The following HAND2 variants were observed in gnomAD, a reference collection of about 807,000 sequenced individuals.
HAND2 encodes heart and neural crest derivatives expressed 2, also known as heart- and neural crest derivatives-expressed protein 2.
In HAND2, 2 loss-of-function variants were observed where a neutral mutation model predicts 14.7. That is an observed-to-expected ratio of 0.14 (90% CI 0.06 to 0.43). The LOEUF (loss-of-function observed/expected upper bound fraction) is 0.43. Ranked by LOEUF, HAND2 falls within the 20% of genes least tolerant of loss-of-function variation. The probability of loss-of-function intolerance (pLI) is 0.99; values close to 1 mark genes in which losing one functional copy is unlikely to be tolerated. For missense variants in HAND2, 275 were observed against 313.6 expected, an observed-to-expected ratio of 0.88 and a Z score of 0.93; for synonymous variants, 162 against 135.9, an observed-to-expected ratio of 1.19 and a Z score of -1.34.
In HAND2 at chr4:173,528,690, C is replaced by T. The variant is rs1731586733; in HGVS notation, c.555+45G>A. The stretch of plus-strand genomic sequence containing the variant: ...TGGAAAGAGGCCGGGAGCACCAGTT[C>T]CCTGACCCCCTCAGCCCCACCGCCT... On this transcript the variant is annotated intron_variant, in intron 1 of 1. Coordinates refer to ENST00000359562, the MANE Select transcript of HAND2 (RefSeq NM_021973.3). The surrounding 1 kb of genome is among the most constrained non-coding windows in gnomAD (Gnocchi z 5.6). 1 of 1,583,254 alleles carries T rather than the reference C, an allele frequency of 6.3e-7. No homozygotes were observed. The highest frequency in any genetic ancestry group is 2.3e-5 in the East Asian group (1 of 43,230).
rs1193729175 is a variant in HAND2 at position 173,526,314 on chromosome 4, T to TAG, written c.*961_*962dup. 11 of 152,614 alleles carry TAG rather than the reference T, an allele frequency of 7.2e-5. No homozygotes were observed. The highest frequency in any genetic ancestry group is 2.2e-4 in the African/African-American group (9 of 41,572). 9.5% of individuals were successfully genotyped at this position (152,614 alleles called of 1,614,324 possible). A position where few individuals can be genotyped will look rare whatever the true frequency, so the allele number is the denominator to read the frequency against. ...GGTTCTCCAGCCCAGATCTTCCTTC[T>TAG]AGAGACTACTCAGCGTTCTCCAGCT... On this transcript the variant is annotated 3_prime_UTR_variant, in exon 2 of 2. Transcript: ENST00000359562.
Position 173,529,151 on chromosome 4 carries a change from G to C in HAND2, c.139C>G (p.Leu47Val). The C allele has an allele frequency of 2.0e-6, 3 of 1,477,258 alleles. No homozygotes were observed. Among genetic ancestry groups the C allele is most frequent in the Non-Finnish European group, 2.7e-6 (3 of 1,124,678 alleles). 91.5% of individuals were successfully genotyped at this position (1,477,258 alleles called of 1,614,324 possible). A position where few individuals can be genotyped will look rare whatever the true frequency, so the allele number is the denominator to read the frequency against. ...GGCGACATCTCGGGGTGGCCGATGAGCCAGCCATGGAAGTAGGGGTTCTCC... is the reference window on the plus strand; with the variant it reads ...GGCGACATCTCGGGGTGGCCGATGACCCAGCCATGGAAGTAGGGGTTCTCC... ...HEENPYFHGW[L>V]IGHPEMSPPD... is the part of the protein sequence containing the mutation. Residue 47 changes from leucine to valine, a missense_variant, in exon 1 of 2, where the codon CTC (leucine) becomes GTC (valine). Coordinates refer to ENST00000359562, the MANE Select transcript of HAND2 (RefSeq NM_021973.3).
chr4:173,527,266 T>C lies in HAND2; in HGVS notation c.*11A>G, dbSNP rs147672639. On this transcript the variant is annotated 3_prime_UTR_variant, in exon 2 of 2. Transcript: ENST00000359562. The stretch of plus-strand genomic sequence containing the variant: ...TCACTCGCGCTCTCCTCCTCCTCCT[T>C]CTCCTCCTCCTCACTGCTTGAGCTC... 8.5e-3 allele frequency: 13,550 copies of C among 1,594,600 alleles called. 54 individuals carry two copies. The highest frequency in any genetic ancestry group is 0.011 in the Non-Finnish European group (12,436 of 1,165,372).
chr4:173,529,245 G>C lies in HAND2; in HGVS notation c.45C>G (p.His15Gln). ...CGGCGGCGGCAAACGGGTAGCCCTC[G>C]TGGTGCACCACCGGGTGGTGGGGAA... is the stretch of plus-strand genomic sequence containing the variant. ...GGFPHHPVVH[H>Q]EGYPFAAAAA... Residue 15 changes from histidine to glutamine, a missense_variant, in exon 1 of 2, where the codon CAC becomes CAG. His to Gln is a conservative substitution (Grantham distance 24, BLOSUM62 0). Coordinates refer to ENST00000359562, the MANE Select transcript of HAND2 (RefSeq NM_021973.3). 1 of 1,403,378 alleles carries C rather than the reference G, an allele frequency of 7.1e-7. No individual in the cohort carries two copies. The highest frequency in any genetic ancestry group is 9.2e-7 in the Non-Finnish European group (1 of 1,086,250). 86.9% of individuals were successfully genotyped at this position (1,403,378 alleles called of 1,614,324 possible). A position where few individuals can be genotyped will look rare whatever the true frequency, so the allele number is the denominator to read the frequency against.
rs1175220194 is a variant in HAND2 at position 173,528,127 on chromosome 4, T to C, written c.555+608A>G. 2 of 154,894 alleles carry C rather than the reference T, an allele frequency of 1.3e-5. No homozygotes were observed. Among genetic ancestry groups the C allele is most frequent in the Non-Finnish European group, 2.9e-5 (2 of 69,890 alleles). The allele number at this position is 154,894 out of a possible 1,614,324, so 9.6% of individuals were successfully genotyped here. A position where few individuals can be genotyped will look rare whatever the true frequency, so the allele number is the denominator to read the frequency against. On this transcript the variant is annotated intron_variant, in intron 1 of 1. Transcript: ENST00000359562. This position sits in a 1 kb window ranked among gnomAD's most constrained non-coding sequence, Gnocchi z 5.6. ...TAGAAATGCCAATGGAATATACTCA[T>C]CTGGGAAATTACATTTTAACGTCAT...
chr4:173,527,724 A>C, intron 1 of HAND2: 1 of 294,436 alleles, frequency 3.4e-6, no homozygotes, highest in Non-Finnish European at 6.5e-6. Flanking sequence ...TTTCATTAGC[A>C]ATCCTAGATC....
Position 173,529,300 on chromosome 4 carries a change from G to T in HAND2, c.-11C>A. ...ACCTACCAGACTCATTTCGCCCTCC[G>T]CGCCCCTCCACGCGCCCCAGCGTGC... On this transcript the variant is annotated 5_prime_UTR_variant, in exon 1 of 2. Coordinates refer to ENST00000359562, the MANE Select transcript of HAND2 (RefSeq NM_021973.3). 1 of 1,310,920 alleles carries T rather than the reference G, an allele frequency of 7.6e-7. No individual in the cohort carries two copies. Among genetic ancestry groups the T allele is most frequent in the Non-Finnish European group, 9.6e-7 (1 of 1,038,516 alleles). The allele number at this position is 1,310,920 out of a possible 1,614,324, so 81.2% of individuals were successfully genotyped here.
Position 173,528,626 on chromosome 4 carries a change from C to A in HAND2, c.555+109G>T. 7.4e-7 allele frequency: 1 copy of A among 1,345,704 alleles called. No individual in the cohort carries two copies. The highest frequency in any genetic ancestry group is 1.3e-5 in the South Asian group (1 of 78,924). The allele number at this position is 1,345,704 out of a possible 1,614,324, so 83.4% of individuals were successfully genotyped here. On this transcript the variant is annotated intron_variant, in intron 1 of 1. Coordinates refer to ENST00000359562, the MANE Select transcript of HAND2 (RefSeq NM_021973.3). The surrounding 1 kb of genome is among the most constrained non-coding windows in gnomAD (Gnocchi z 5.6). Reference sequence around the variant, plus strand: ...TGGTGCAAACAACCTTGAAGCGGGACGCAGCCAAAGAACACGAGATGCCAT... The same window carrying A: ...TGGTGCAAACAACCTTGAAGCGGGAAGCAGCCAAAGAACACGAGATGCCAT...
rs1312100031 is a variant in HAND2, at chr4:173,528,272, C to T, written c.555+463G>A. The T allele has an allele frequency of 3.7e-5, 6 of 163,950 alleles. No individual in the cohort carries two copies. Among genetic ancestry groups the T allele is most frequent in the Non-Finnish European group, 6.6e-5 (5 of 75,432 alleles). The allele number at this position is 163,950 out of a possible 1,614,324, so 10.2% of individuals were successfully genotyped here. Reference sequence around the variant, plus strand: ...AAACTCAGGGCTCAGTCTCTGGCAGCCTCCTTCTGGGAGTGGGGTAGGGGG... The same window carrying T: ...AAACTCAGGGCTCAGTCTCTGGCAGTCTCCTTCTGGGAGTGGGGTAGGGGG... On this transcript the variant is annotated intron_variant, in intron 1 of 1. Coordinates refer to ENST00000359562, the MANE Select transcript of HAND2 (RefSeq NM_021973.3). The surrounding 1 kb of genome is among the most constrained non-coding windows in gnomAD (Gnocchi z 5.6).
rs779311097 is a variant in HAND2, at chr4:173,527,382, A to G, written c.556-7T>C. The G allele has an allele frequency of 1.9e-6, 3 of 1,601,840 alleles. No homozygotes were observed. The highest frequency in any genetic ancestry group is 1.7e-4 in the Middle Eastern group (1 of 6,032). On this transcript the variant is annotated splice_region_variant and splice_polypyrimidine_tract_variant and intron_variant, in intron 1 of 1. Transcript: ENST00000359562. ...TGCTTTTCAAGATTTCGTTCTGGACAGAGGAAAGGCGAGGGCGAGAAAAGT... is the reference window on the plus strand; with the variant it reads ...TGCTTTTCAAGATTTCGTTCTGGACGGAGGAAAGGCGAGGGCGAGAAAAGT...
chr4:173,527,552 G>A (rs1731497705), intron 1 of HAND2, 177 bp from the exon 2 acceptor site: 1 of 642,184 alleles, frequency 1.6e-6, no homozygotes. Flanking sequence ...CGCTACCCTA[G>A]CCGGCGGGGA....
chr4:173,530,184 T>G lies in HAND2; in HGVS notation c.-895A>C, dbSNP rs937457485. ...GGTGGTTCTCCTGGGCTGGACGACG[T>G]GAGGGGAGCAAGCGGATTTTCCCAG... On this transcript the variant is annotated 5_prime_UTR_variant, in exon 1 of 2. Coordinates refer to ENST00000359562, the MANE Select transcript of HAND2 (RefSeq NM_021973.3). This position sits in a 1 kb window ranked among gnomAD's most constrained non-coding sequence, Gnocchi z 6.2. The G allele has an allele frequency of 2.0e-5, 3 of 151,678 alleles. No individual in the cohort carries two copies. The highest frequency in any genetic ancestry group is 7.3e-5 in the African/African-American group (3 of 41,254). The allele number at this position is 151,678 out of a possible 1,614,324, so 9.4% of individuals were successfully genotyped here.
rs1316775587 is a variant in HAND2, at chr4:173,526,193, T to C, written c.*1084A>G. ...CTCACAACTCCTCCACCAGAAACAC[T>C]CTCCAAACAAAAACTGACGGCCTCA... On this transcript the variant is annotated 3_prime_UTR_variant, in exon 2 of 2. Transcript: ENST00000359562. 1 of 151,622 alleles carries C rather than the reference T, an allele frequency of 6.6e-6. No homozygotes were observed. Among genetic ancestry groups the C allele is most frequent in the East Asian group, 1.9e-4 (1 of 5,166 alleles). The allele number at this position is 151,622 out of a possible 1,614,324, so 9.4% of individuals were successfully genotyped here.
chr4:173,526,647 C>A lies in HAND2; in HGVS notation c.*630G>T, dbSNP rs1048411428. On this transcript the variant is annotated 3_prime_UTR_variant, in exon 2 of 2. Coordinates refer to ENST00000359562, the MANE Select transcript of HAND2 (RefSeq NM_021973.3). ...AACACAGTGGTTTATTGAATACTTACAACGTTTACACCTTCAATATTAATT... is the reference window on the plus strand; with the variant it reads ...AACACAGTGGTTTATTGAATACTTAAAACGTTTACACCTTCAATATTAATT... The A allele has an allele frequency of 4.2e-5, 8 of 191,336 alleles. No individual in the cohort carries two copies. Among genetic ancestry groups the A allele is most frequent in the Non-Finnish European group, 8.8e-5 (8 of 90,810 alleles). 11.9% of individuals were successfully genotyped at this position (191,336 alleles called of 1,614,324 possible).
At position 173,529,036 on chromosome 4, in the gene HAND2, G is replaced by A. The variant is rs1346705580; in HGVS notation, c.254C>T (p.Pro85Leu). Reference sequence around the variant, plus strand: ...CCCCAGGCCCGGGGGCCCGGCGCCCGGCGGCACCCCCCCGTAATGGGAGTG... The same window carrying A: ...CCCCAGGCCCGGGGGCCCGGCGCCCAGCGGCACCCCCCCGTAATGGGAGTG... The part of the protein sequence containing the change: ...LDHSHYGGVP[P>L]GAGPPGLGGP... Residue 85 changes from proline to leucine, a missense_variant, in exon 1 of 2, where the codon CCG (proline) becomes CTG (leucine). Pro to Leu is a moderately conservative substitution (Grantham distance 98, BLOSUM62 -3). Coordinates refer to ENST00000359562, the MANE Select transcript of HAND2 (RefSeq NM_021973.3). 4.0e-6 allele frequency: 6 copies of A among 1,500,562 alleles called. No individual in the cohort carries two copies. Among genetic ancestry groups the A allele is most frequent in the Non-Finnish European group, 5.3e-6 (6 of 1,133,726 alleles). 93.0% of individuals were successfully genotyped at this position (1,500,562 alleles called of 1,614,324 possible).
At position 173,526,722 on chromosome 4, in the gene HAND2, T is replaced by C. The variant is rs570570714; in HGVS notation, c.*555A>G. On this transcript the variant is annotated 3_prime_UTR_variant, in exon 2 of 2. Transcript: ENST00000359562. ...GGAAGTGCACAAAACAAGTGGCTGT[T>C]GGAAACATCTTCAAAGAGGGAACGA... 34 of 292,970 alleles carry C rather than the reference T, an allele frequency of 1.2e-4. No homozygotes were observed. Among genetic ancestry groups the C allele is most frequent in the African/African-American group, 7.4e-4 (34 of 46,166 alleles). The allele number at this position is 292,970 out of a possible 1,614,324, so 18.1% of individuals were successfully genotyped here.
In HAND2 at chr4:173,529,109, C is replaced by A; in HGVS notation, c.181G>T (p.Ala61Ser). 2.7e-6 allele frequency: 4 copies of A among 1,499,640 alleles called. No individual in the cohort carries two copies. Among genetic ancestry groups the A allele is most frequent in the South Asian group, 1.4e-5 (1 of 72,480 alleles). The allele number at this position is 1,499,640 out of a possible 1,614,324, so 92.9% of individuals were successfully genotyped here. A position where few individuals can be genotyped will look rare whatever the true frequency, so the allele number is the denominator to read the frequency against. ...GCATACTCGGGGCTGTAGGACAGGG[C>A]CATGCTGTAGTCGGGGGGCGACATC... is the stretch of plus-strand genomic sequence containing the variant. The part of the protein sequence containing the change: ...PEMSPPDYSM[A>S]LSYSPEYASG... The change falls in exon 1 of 2, where the codon GCC becomes TCC. Residue 61 changes from alanine (A) to serine (S), a missense_variant. Ala to Ser is a moderately conservative substitution (Grantham distance 99). Around this residue, in one of 4 missense-constraint regions of HAND2, gnomAD observed 175 missense variants for 157.1 expected, o/e 1.11. Transcript: ENST00000359562.
rs529335909 is a variant in HAND2, at chr4:173,526,987, A to G, written c.*290T>C. The G allele has an allele frequency of 4.7e-4, 280 of 596,104 alleles. 1 individual carries two copies. The highest frequency in any genetic ancestry group is 7.3e-4 in the Non-Finnish European group (231 of 317,096). The allele number at this position is 596,104 out of a possible 1,614,324, so 36.9% of individuals were successfully genotyped here. ...AAGAGGGAACATTCACGCACACAGA[A>G]TCTATGAGACGACGGGATCCCTTAC... On this transcript the variant is annotated 3_prime_UTR_variant, in exon 2 of 2. Coordinates refer to ENST00000359562, the MANE Select transcript of HAND2 (RefSeq NM_021973.3).
rs1183655049 is a variant in HAND2, at chr4:173,529,391, C to G, written c.-102G>C. 6 of 874,808 alleles carry G rather than the reference C, an allele frequency of 6.9e-6. No individual in the cohort carries two copies. The South Asian group carries it at 1.8e-4, about 26-fold the overall frequency. The allele number at this position is 874,808 out of a possible 1,614,324, so 54.2% of individuals were successfully genotyped here. On this transcript the variant is annotated 5_prime_UTR_variant, in exon 1 of 2. Coordinates refer to ENST00000359562, the MANE Select transcript of HAND2 (RefSeq NM_021973.3). ...GCGCTCGGCGTCCTCCCCCACCCCCCACCCCCCAGCCCCCGGGCGCCCGGG... is the reference window on the plus strand; with the variant it reads ...GCGCTCGGCGTCCTCCCCCACCCCCGACCCCCCAGCCCCCGGGCGCCCGGG...
Sources: allele counts gnomAD v4.1 joint callset, GRCh38; gene constraint gnomAD v4.1.1; regional missense constraint gnomAD v4.1.1; non-coding constraint Gnocchi (gnomAD v3.1); transcripts MANE v1.5; gene names NCBI Gene and HGNC (gene_info 2026-07-23, HGNC 2026-07-21).